The following OPN5 variants were observed in gnomAD, a reference collection of about 807,000 sequenced individuals.
OPN5 encodes the protein opsin 5, also known as opsin-5.
OPN5 carries 18 observed loss-of-function variants against 41.7 expected under a neutral mutation model. The observed-to-expected ratio is 0.43, with a 90% CI of 0.30 to 0.64. OPN5 has a LOEUF of 0.64. OPN5 is among the 30% of genes least tolerant of loss of function. The pLI, the probability that OPN5 is intolerant of heterozygous loss-of-function variation, is 0.13. For synonymous variants in OPN5, 178 were observed against 164.3 expected (o/e 1.08, Z -0.64); for missense variants, 318 against 434.5 (o/e 0.73, Z 2.38).
chr6:47,806,500 A>G (rs1773970289), intron 4 of OPN5, among the ~76,000 whole-genome samples: 1 of 152,162 alleles, frequency 6.6e-6, no homozygotes, highest in African/African-American at 2.4e-5. Flanking sequence ...TTCACACAAA[A>G]CATGTGGAAG....
intron 2 of OPN5, among the ~76,000 whole-genome samples, 162 bp downstream of exon 2, chr6:47,786,796 G>T (rs890295231): frequency 1.3e-5 from 2 of 152,170 alleles, no homozygotes; most frequent in South Asian, 4.1e-4. Flanking sequence ...AGTCAATGGG[G>T]TGCTGTCCGG....
At chr6:47,784,163 A>G (rs528578122) in intron 1 of OPN5, among the ~76,000 whole-genome samples, 15 of 152,256 alleles carry the variant, frequency 9.9e-5, no homozygotes, top group Admixed American at 6.5e-5. Context: ...AGCCAATGGT[A>G]TGTTAGAGAA....
exon 6 of OPN5, chr6:47,811,677 G>A: frequency 6.2e-7 from 1 of 1,610,518 alleles, no homozygotes; most frequent in Non-Finnish European, 8.5e-7. Flanking sequence ...TATCTAGGCT[G>A]CACACCGTAA....
intron 4 of OPN5, among the ~76,000 whole-genome samples, chr6:47,803,436 G>A (rs1193053124): frequency 2.0e-5 from 3 of 152,090 alleles, no homozygotes; most frequent in Admixed American, 6.6e-5. Context: ...CTTGTCACCC[G>A]CATGCTCCTG....
chr6:47,813,675 G>A (rs186229434), intron 6 of OPN5, among the ~76,000 whole-genome samples: 69 of 152,206 alleles, frequency 4.5e-4, no homozygotes, highest in Admixed American at 2.2e-3. Context: ...CAAGATTAGA[G>A]GTTGGCAGAC....
chr6:47,784,825 T>A (rs1037542638), intron 1 of OPN5, among the ~76,000 whole-genome samples: 1 of 152,220 alleles, frequency 6.6e-6, no homozygotes, highest in Non-Finnish European at 1.5e-5. Context: ...TATTTTTGTA[T>A]CCATAAATGA....
At chr6:47,794,927 G>A (rs1036092359) in intron 3 of OPN5, 1 of 288,528 alleles carries the variant, frequency 3.5e-6, no homozygotes, top group Non-Finnish European at 6.5e-6. Context: ...TTTCTCAAGG[G>A]CCTCCATTGT....
In OPN5 at chr6:47,819,355, A is replaced by T. The variant is rs1174823764; in HGVS notation, c.1057-4628A>T. 1.1e-3 allele frequency among the ~76,000 whole-genome samples: 103 copies of T among 94,654 alleles called. 3 individuals are homozygous for T. Among genetic ancestry groups the T allele is most frequent in the African/African-American group, 2.1e-3 (58 of 27,472 alleles). The allele number at this position is 94,654 out of a possible 152,430, so 62.1% of individuals were successfully genotyped here. ...ATTAGGAATATATATATATATATAA[A>T]AAATATATTACCGTATAAGTAGAAA... On this transcript the variant is annotated intron_variant, in intron 6 of 6. Transcript: ENST00000371211.
chr6:47,791,297 G>T (rs1180213700), intron 2 of OPN5, among the ~76,000 whole-genome samples: 1 of 39,162 alleles, frequency 2.6e-5, no homozygotes, highest in Non-Finnish European at 8.2e-5. Flanking sequence ...TCTATTTCTG[G>T]TAAAAAAAAA....
At chr6:47,789,487 C>T (rs1773300151) in intron 2 of OPN5, among the ~76,000 whole-genome samples, 2 of 151,708 alleles carry the variant, frequency 1.3e-5, no homozygotes, top group South Asian at 4.1e-4. Flanking sequence ...GCACCTTGCT[C>T]TGTGTTTCTT....
chr6:47,795,202 C>T (rs28625759), intron 3 of OPN5, 27 bp from the exon 4 acceptor site: 225,399 of 1,525,452 alleles, frequency 0.15, 17,306 homozygotes, highest in Middle Eastern at 0.18. Flanking sequence ...AGATTACATC[C>T]GGGTAATGCT....
chr6:47,814,011 A>G (rs1762350934), intron 6 of OPN5, among the ~76,000 whole-genome samples: 1 of 152,140 alleles, frequency 6.6e-6, no homozygotes, highest in Non-Finnish European at 1.5e-5. Flanking sequence ...AATAATCTAA[A>G]GTCATACTGA....
chr6:47,817,075 G>A (rs1341235029), intron 6 of OPN5, among the ~76,000 whole-genome samples: 1 of 152,068 alleles, frequency 6.6e-6, no homozygotes, highest in Admixed American at 6.6e-5. Flanking sequence ...CTTGTAGTGT[G>A]AGGAACTGAT....
intron 6 of OPN5, chr6:47,823,607 C>A: frequency 3.3e-6 from 1 of 305,826 alleles, no homozygotes; most frequent in Non-Finnish European, 6.1e-6. Flanking sequence ...GAAAATTAGG[C>A]AGTACAGGTG....
chr6:47,806,212 G>A (rs1322536320), intron 4 of OPN5, among the ~76,000 whole-genome samples: 5 of 152,020 alleles, frequency 3.3e-5, no homozygotes, highest in South Asian at 2.1e-4. Flanking sequence ...GTCTTACTAC[G>A]CAGAAGACAG....
chr6:47,793,216 G>A (rs531238677), intron 3 of OPN5, among the ~76,000 whole-genome samples: 1 of 152,210 alleles, frequency 6.6e-6, no homozygotes, highest in East Asian at 1.9e-4. Context: ...CTTCCTGAGA[G>A]TGTTTGAGGA....
exon 7 of OPN5, chr6:47,824,380 C>A (rs1347261825): frequency 2.0e-5 from 5 of 255,870 alleles, no homozygotes; most frequent in Non-Finnish European, 3.0e-5. Context: ...CTACACTCCC[C>A]ATCTGTAATT....
Position 47,823,965 on chromosome 6 carries a change from A to AT in OPN5, c.1057-12dup. On this transcript the variant is annotated splice_polypyrimidine_tract_variant and intron_variant, in intron 6 of 6. Coordinates refer to ENST00000371211, the Ensembl canonical transcript of OPN5. ...GCTGTGTGCCTCACCCTAAAACTCA[A>AT]TTTTTTCTTCTCTACAGTGGGAATA... 3 of 1,548,784 alleles carry AT rather than the reference A, an allele frequency of 1.9e-6. No homozygotes were observed. The highest frequency in any genetic ancestry group is 1.7e-6 in the Non-Finnish European group (2 of 1,144,502).
At position 47,815,226 on chromosome 6, in the gene OPN5, C is replaced by A. The variant is rs538425859; in HGVS notation, c.1056+3495C>A. Among the ~76,000 whole-genome samples, 12 of 152,152 alleles carry A rather than the reference C, an allele frequency of 7.9e-5. No homozygotes were observed. The South Asian group carries it at 2.5e-3, about 32-fold the overall frequency. ...AGAAATGTAATTTCAGGTTTGCACCCCTGAAAGAATCAAGCATTATGCTTA... is the reference window on the plus strand; with the variant it reads ...AGAAATGTAATTTCAGGTTTGCACCACTGAAAGAATCAAGCATTATGCTTA... On this transcript the variant is annotated intron_variant, in intron 6 of 6. Transcript: ENST00000371211.
Sources: gnomAD v4.1 joint callset for allele counts (sites outside exome capture counted in the v4.1 genomes callset) on GRCh38, gnomAD v4.1.1 for gene constraint, MANE v1.5 for transcripts, NCBI Gene and HGNC (gene_info 2026-07-23, HGNC 2026-07-21) for gene names.